The following WNT3A variants were observed in gnomAD, a reference collection of about 807,000 sequenced individuals.
WNT3A encodes the protein protein Wnt-3a.
WNT3A carries 17 observed loss-of-function variants against 37.0 expected under a neutral mutation model. The ratio of observed to expected loss-of-function variants is 0.46; its 90% CI spans 0.31 to 0.69. WNT3A has a LOEUF of 0.69. Among genes scored for constraint, WNT3A ranks in the 30% least tolerant of loss-of-function variants. WNT3A has a pLI of 0.05. For missense variants in WNT3A, 411 were observed against 510.2 expected, an observed-to-expected ratio of 0.81 and a Z score of 1.87; for synonymous variants, 187 against 211.0, an observed-to-expected ratio of 0.89 and a Z score of 0.99.
chr1:228,014,890 G>T lies in WNT3A; in HGVS notation c.71+7691G>T, dbSNP rs543258470. On this transcript the variant is annotated intron_variant, in intron 1 of 3. Coordinates refer to ENST00000284523, the MANE Select transcript of WNT3A (RefSeq NM_033131.4). ...CTTGTGGGCTGGAGGCATGGCTGCT[G>T]TGACTTTGGCCACAGGCGGAAGCCA... is the stretch of plus-strand genomic sequence containing the variant. Among the ~76,000 whole-genome samples, 3 of 152,360 alleles carry T rather than the reference G, an allele frequency of 2.0e-5. No individual in the cohort carries two copies. In the East Asian group the frequency reaches 5.8e-4, roughly 29 times the overall value.
chr1:228,032,751 C>T (rs1243011407), intron 2 of WNT3A, among the ~76,000 whole-genome samples: 1 of 152,220 alleles, frequency 6.6e-6, no homozygotes, highest in East Asian at 1.9e-4. Context: ...AACTGTCAAA[C>T]TATTCCAGAG....
In WNT3A at chr1:228,008,773, C is replaced by T. The variant is rs541823370; in HGVS notation, c.71+1574C>T. On this transcript the variant is annotated intron_variant, in intron 1 of 3. Transcript: ENST00000284523. The surrounding 1 kb of genome is among the most constrained non-coding windows in gnomAD (Gnocchi z 4.9). Reference sequence around the variant, plus strand: ...AAAAGGAAGCTCCTTCGCCCCGCGCCCTTCCCATAAATGTCGCCAGCCTCC... The same window carrying T: ...AAAAGGAAGCTCCTTCGCCCCGCGCTCTTCCCATAAATGTCGCCAGCCTCC... Among the ~76,000 whole-genome samples, 7 of 152,338 alleles carry T rather than the reference C, an allele frequency of 4.6e-5. No homozygotes were observed. In the South Asian group the frequency reaches 1.0e-3, roughly 23 times the overall value.
chr1:228,031,694 C>T lies in WNT3A; in HGVS notation c.313+8786C>T, dbSNP rs543864144. 2.4e-4 allele frequency among the ~76,000 whole-genome samples: 37 copies of T among 152,138 alleles called. No individual in the cohort carries two copies. The highest frequency in any genetic ancestry group is 8.4e-4 in the African/African-American group (35 of 41,486). ...TGGGTGTATGTGGATGTGCCTGTGC[C>T]GTGTGCATGTGGCTGTGGCATGCAT... On this transcript the variant is annotated intron_variant, in intron 2 of 3. Transcript: ENST00000284523. This position sits in a 1 kb window ranked among gnomAD's most constrained non-coding sequence, Gnocchi z 4.8.
In WNT3A at chr1:228,060,126, A is replaced by G. The variant is rs1273378221; in HGVS notation, c.*661A>G. On this transcript the variant is annotated 3_prime_UTR_variant, in exon 4 of 4. Coordinates refer to ENST00000284523, the MANE Select transcript of WNT3A (RefSeq NM_033131.4). ...GGGGCTTCTCTGGGACCAGGCTCCA[A>G]TGGGGCGGGGCTTCTCTCCGCGGGT... 6 of 1,328,808 alleles carry G rather than the reference A, an allele frequency of 4.5e-6. No homozygotes were observed. The highest frequency in any genetic ancestry group is 4.5e-5 in the African/African-American group (3 of 66,856). 82.3% of individuals were successfully genotyped at this position (1,328,808 alleles called of 1,614,324 possible).
intron 2 of WNT3A, among the ~76,000 whole-genome samples, chr1:228,025,929 T>G (rs2030842729): frequency 1.3e-5 from 2 of 151,414 alleles, no homozygotes; most frequent in Admixed American, 6.6e-5. Flanking sequence ...TTGTATTTTT[T>G]TTTTTTTTTG....
chr1:228,008,168 T>A lies in WNT3A; in HGVS notation c.71+969T>A, dbSNP rs992863305. Among the ~76,000 whole-genome samples, 1 of 152,110 alleles carries A rather than the reference T, an allele frequency of 6.6e-6. No individual in the cohort carries two copies. Among genetic ancestry groups the A allele is most frequent in the African/African-American group, 2.4e-5 (1 of 41,416 alleles). ...GTTCCGAATTAAGGGCGCTCTGAGA[T>A]GCCCAAGATTGAGGAACACAAGTGG... is the stretch of plus-strand genomic sequence containing the variant. On this transcript the variant is annotated intron_variant, in intron 1 of 3. Transcript: ENST00000284523. The surrounding 1 kb of genome is among the most constrained non-coding windows in gnomAD (Gnocchi z 4.9).
At chr1:228,040,853 T>A (rs1050286942) in intron 2 of WNT3A, among the ~76,000 whole-genome samples, 1 of 144,670 alleles carries the variant, frequency 6.9e-6, no homozygotes, top group Non-Finnish European at 1.5e-5. Context: ...GCCACTGCAC[T>A]CCAGCCTGGG....
intron 1 of WNT3A, among the ~76,000 whole-genome samples, chr1:228,014,448 C>A (rs2030467016): frequency 6.6e-6 from 1 of 152,176 alleles, no homozygotes; most frequent in Non-Finnish European, 1.5e-5. Context: ...CATGGGTGCT[C>A]TGAGTTCGCT....
rs988435488 is a variant in WNT3A, at chr1:228,039,370, G to A, written c.314-11286G>A. Among the ~76,000 whole-genome samples the A allele has an allele frequency of 1.3e-5, 2 of 152,168 alleles. No individual in the cohort carries two copies. Among genetic ancestry groups the A allele is most frequent in the African/African-American group, 4.8e-5 (2 of 41,436 alleles). ...GCCAGGGCCCTGAATCCCAGAGCCT[G>A]TGACCAAGGTACCCACCTCCAGGAA... On this transcript the variant is annotated intron_variant, in intron 2 of 3. Coordinates refer to ENST00000284523, the MANE Select transcript of WNT3A (RefSeq NM_033131.4). The surrounding 1 kb of genome is among the most constrained non-coding windows in gnomAD (Gnocchi z 4.1).
intron 2 of WNT3A, among the ~76,000 whole-genome samples, chr1:228,036,032 C>T (rs750481077): frequency 6.6e-6 from 1 of 152,154 alleles, no homozygotes; most frequent in Non-Finnish European, 1.5e-5. Flanking sequence ...GGAAGGAGCC[C>T]GCCGGGTGCC....
At chr1:228,049,716 T>C (rs778931535) in intron 2 of WNT3A, among the ~76,000 whole-genome samples, 8 of 152,162 alleles carry the variant, frequency 5.3e-5, no homozygotes, top group African/African-American at 2.4e-5. Context: ...CGGCCCCTTA[T>C]TGGGTTTTTT....
At chr1:228,047,625 A>C (rs2031454745) in intron 2 of WNT3A, among the ~76,000 whole-genome samples, 1 of 152,136 alleles carries the variant, frequency 6.6e-6, no homozygotes, top group South Asian at 2.1e-4. Context: ...GCTATAAAGA[A>C]ACACTTGAGG....
At chr1:228,058,283 C>T (rs1026927914) in intron 3 of WNT3A, among the ~76,000 whole-genome samples, 3 of 152,226 alleles carry the variant, frequency 2.0e-5, no homozygotes, top group Admixed American at 6.5e-5. Flanking sequence ...TGCCATGCCT[C>T]ATGGGCTCCT....
intron 1 of WNT3A, among the ~76,000 whole-genome samples, chr1:228,014,725 C>A (rs1469415095): frequency 6.6e-6 from 1 of 152,274 alleles, no homozygotes. Context: ...CCGGACTGGG[C>A]TGGCCTACCG....
At chr1:228,035,721 G>A (rs1403743753) in intron 2 of WNT3A, among the ~76,000 whole-genome samples, 6 of 152,282 alleles carry the variant, frequency 3.9e-5, no homozygotes, top group African/African-American at 1.4e-4. Context: ...GGTTGGGGCG[G>A]GGAGCCCCCA....
intron 2 of WNT3A, among the ~76,000 whole-genome samples, chr1:228,046,782 G>A (rs1237292612): frequency 6.6e-6 from 1 of 150,660 alleles, no homozygotes; most frequent in Non-Finnish European, 1.5e-5. Context: ...GCATGTGTGT[G>A]CATGCGTGTG....
chr1:228,034,998 G>A (rs898252412), intron 2 of WNT3A, among the ~76,000 whole-genome samples: 1 of 152,094 alleles, frequency 6.6e-6, no homozygotes, highest in African/African-American at 2.4e-5. Flanking sequence ...GTATACATGT[G>A]GCGCAAATGT....
In WNT3A at chr1:228,059,765, C is replaced by A; in HGVS notation, c.*300C>A. The A allele has an allele frequency of 8.3e-7, 1 of 1,204,602 alleles. No individual in the cohort carries two copies. Among genetic ancestry groups the A allele is most frequent in the Non-Finnish European group, 1.0e-6 (1 of 968,634 alleles). 74.6% of individuals were successfully genotyped at this position (1,204,602 alleles called of 1,614,324 possible). A position where few individuals can be genotyped will look rare whatever the true frequency, so the allele number is the denominator to read the frequency against. ...GGGGCTCCCCTGGACAGAGGCGGGG[C>A]TACAGATTGGGCGGGGCTTCTCTTG... On this transcript the variant is annotated 3_prime_UTR_variant, in exon 4 of 4. Coordinates refer to ENST00000284523, the MANE Select transcript of WNT3A (RefSeq NM_033131.4).
chr1:228,040,985 A>G (rs1288783233), intron 2 of WNT3A, among the ~76,000 whole-genome samples: 1 of 146,318 alleles, frequency 6.8e-6, no homozygotes, highest in East Asian at 2.0e-4. Context: ...ATATATATAT[A>G]TATATATATA....
Sources: allele counts gnomAD v4.1 joint callset (sites outside exome capture counted in the v4.1 genomes callset), GRCh38; gene constraint gnomAD v4.1.1; non-coding constraint Gnocchi (gnomAD v3.1); transcripts MANE v1.5; gene names NCBI Gene and HGNC (gene_info 2026-07-23, HGNC 2026-07-21).